Variants in PLA2G10 observed in about 807,000 individuals in gnomAD.
The protein encoded by PLA2G10 is group 10 secretory phospholipase A2.
In PLA2G10, 9 loss-of-function variants were observed where a neutral mutation model predicts 7.9. The observed-to-expected ratio is 1.14, with a 90% CI of 0.68 to 1.98. The LOEUF (loss-of-function observed/expected upper bound fraction) is 1.98, where lower values mean the gene tolerates loss of function less well. PLA2G10 is among the 30% of genes most tolerant of loss of function. The pLI is 0.00. For synonymous variants in PLA2G10, 19 were observed against 27.5 expected (o/e 0.69, Z 0.97); for missense variants, 53 against 65.4 (o/e 0.81, Z 0.66).
intron 3 of PLA2G10, among the ~76,000 whole-genome samples, chr16:14,684,521 C>G (rs1960994865): frequency 1.3e-5 from 2 of 152,012 alleles, no homozygotes; most frequent in East Asian, 3.9e-4. Flanking sequence ...CAAAAATTAG[C>G]TGGGCGTGGT....
chr16:14,677,861 G>A (rs62037489), intron 3 of PLA2G10, among the ~76,000 whole-genome samples: 2 of 74,100 alleles, frequency 2.7e-5, no homozygotes, highest in Admixed American at 1.6e-4. Context: ...ATAGATGGAT[G>A]GATGGATGGA....
chr16:14,686,240 C>T (rs542821404), intron 3 of PLA2G10, among the ~76,000 whole-genome samples: 14 of 151,760 alleles, frequency 9.2e-5, no homozygotes, highest in East Asian at 1.9e-4. Context: ...GCCATCTGCC[C>T]GTCTTGAGAT....
At chr16:14,687,817 T>C (rs1188319845) in intron 3 of PLA2G10, among the ~76,000 whole-genome samples, 1 of 150,544 alleles carries the variant, frequency 6.6e-6, no homozygotes, top group Non-Finnish European at 1.5e-5. Flanking sequence ...GCCAACTTGG[T>C]GAAACCCCAC....
chr16:14,678,905 G>A (rs1263809019), intron 3 of PLA2G10: 1 of 247,468 alleles, frequency 4.0e-6, no homozygotes, highest in South Asian at 4.0e-5. Context: ...CCCTACTTCT[G>A]TCACTCTGGG....
chr16:14,678,193 C>T (rs1050585824), intron 3 of PLA2G10, among the ~76,000 whole-genome samples: 9 of 152,210 alleles, frequency 5.9e-5, no homozygotes, highest in African/African-American at 1.4e-4. Context: ...GGCTGAAGGC[C>T]GGCTGTCCAA....
chr16:14,681,036 C>G (rs187327663), intron 3 of PLA2G10, among the ~76,000 whole-genome samples: 2 of 151,856 alleles, frequency 1.3e-5, no homozygotes, highest in Non-Finnish European at 2.9e-5. Context: ...TATGGTGGTG[C>G]GCCTGTAGTC....
rs753942842 is a variant in PLA2G10 at position 14,672,718 on chromosome 16, C to CAACA, written c.383_386dup (p.Leu129PhefsTer6). ...TAGCAATCTCCTGGTCACACTTGCA[C>CAACA]AACAGTTCTTGGCATTTGTTCTCTG... is the stretch of plus-strand genomic sequence containing the variant. On this transcript the variant is annotated frameshift_variant, in exon 4 of 4. Coordinates refer to ENST00000438167, the MANE Select transcript of PLA2G10 (RefSeq NM_003561.3). LOFTEE classifies it high-confidence loss of function. 5.0e-6 allele frequency: 8 copies of CAACA among 1,614,036 alleles called. 1 individual carries two copies. In the South Asian group the frequency reaches 8.8e-5, roughly 18 times the overall value.
chr16:14,677,172 CAT>C (rs1960746419), intron 3 of PLA2G10, among the ~76,000 whole-genome samples: 2 of 152,078 alleles, frequency 1.3e-5, no homozygotes, highest in Admixed American at 6.6e-5. Flanking sequence ...TCATAACAAA[CAT>C]GTATTGGGTT....
intron 3 of PLA2G10, among the ~76,000 whole-genome samples, chr16:14,676,577 G>T (rs1960731057): frequency 6.6e-6 from 1 of 152,188 alleles, no homozygotes; most frequent in Admixed American, 6.5e-5. Context: ...TACTTGGGAG[G>T]CTACGGCAGG....
rs147705409 is a variant in PLA2G10, at chr16:14,672,747, G to A, written c.358C>T (p.Pro120Ser). 1.9e-6 allele frequency: 3 copies of A among 1,613,670 alleles called. No individual in the cohort carries two copies. The highest frequency in any genetic ancestry group is 2.7e-5 in the African/African-American group (2 of 74,892). ...QCVNQSVLCG[P>S]AENKCQELLC... ...AGTTCTTGGCATTTGTTCTCTGCCG[G>A]TCCTGGAAGAAGTGGGGAAACTGAG... Residue 120 changes from proline to serine, a missense_variant and splice_region_variant, in exon 4 of 4, where the codon CCG (proline) becomes TCG (serine). This residue lies in a region of PLA2G10 where 5 missense variants were observed against 18.4 expected (regional missense o/e 0.27). Coordinates refer to ENST00000438167, the MANE Select transcript of PLA2G10 (RefSeq NM_003561.3).
At position 14,687,442 on chromosome 16, in the gene PLA2G10, A is replaced by G. The variant is rs572193640; in HGVS notation, c.355+723T>C. On this transcript the variant is annotated intron_variant, in intron 3 of 3. Transcript: ENST00000438167. ...CTCCTGGGCTTCAAGCGATCCTCCC[A>G]CCTCAGCCTCCCAAGTAGCTGGGAT... 1.4e-4 allele frequency among the ~76,000 whole-genome samples: 20 copies of G among 147,952 alleles called. No homozygotes were observed. The South Asian group carries it at 2.6e-3, about 19-fold the overall frequency.
chr16:14,673,486 C>T (rs1960646543), intron 3 of PLA2G10, among the ~76,000 whole-genome samples: 1 of 152,084 alleles, frequency 6.6e-6, no homozygotes, highest in Admixed American at 6.6e-5. Context: ...ATTCTCCCAC[C>T]TCAGCCTCCC....
At chr16:14,683,839 GT>G (rs1163140947) in intron 3 of PLA2G10, among the ~76,000 whole-genome samples, 8 of 152,126 alleles carry the variant, frequency 5.3e-5, no homozygotes, top group Admixed American at 2.6e-4. Flanking sequence ...AACTTAAACA[GT>G]TTTGTGCAAA....
chr16:14,685,089 AG>A lies in PLA2G10; in HGVS notation c.355+3075del, dbSNP rs1961014880. Among the ~76,000 whole-genome samples the A allele has an allele frequency of 2.0e-5, 3 of 152,158 alleles. No homozygotes were observed. The South Asian group carries it at 6.2e-4, about 31-fold the overall frequency. On this transcript the variant is annotated intron_variant, in intron 3 of 3. Transcript: ENST00000438167. ...CACATGCTATTAATACAACATGAAC[AG>A]GATGGGTGTGGTGGCTCACGCCTGT...
chr16:14,677,032 C>T (rs1960742788), intron 3 of PLA2G10, among the ~76,000 whole-genome samples: 1 of 152,042 alleles, frequency 6.6e-6, no homozygotes, highest in Non-Finnish European at 1.5e-5. Flanking sequence ...GTGATGGGTG[C>T]ACTAAAAGCT....
At chr16:14,686,009 T>TC (rs1961048661) in intron 3 of PLA2G10, among the ~76,000 whole-genome samples, 1 of 148,624 alleles carries the variant, frequency 6.7e-6, no homozygotes, top group Non-Finnish European at 1.5e-5. Flanking sequence ...TTTTTTTTTT[T>TC]TGAGACAGGC....
intron 3 of PLA2G10, among the ~76,000 whole-genome samples, chr16:14,684,201 A>C (rs2151853456): frequency 6.6e-6 from 1 of 151,848 alleles, no homozygotes; most frequent in Middle Eastern, 3.4e-3. Context: ...CTACTAAAAA[A>C]TATATAAAAA....
intron 3 of PLA2G10, among the ~76,000 whole-genome samples, chr16:14,678,986 G>A (rs1007893301): frequency 1.3e-5 from 2 of 151,650 alleles, no homozygotes; most frequent in African/African-American, 4.8e-5. Flanking sequence ...GTACCCCAGG[G>A]CCCTTGCACT....
intron 3 of PLA2G10, chr16:14,678,695 A>T: frequency 2.5e-6 from 1 of 394,540 alleles, no homozygotes; most frequent in Non-Finnish European, 5.1e-6. Context: ...GCTTGAGCCC[A>T]AAAGGCAGAG....
Sources: gnomAD v4.1 joint callset for allele counts (sites outside exome capture counted in the v4.1 genomes callset) on GRCh38, gnomAD v4.1.1 for gene constraint, gnomAD v4.1.1 regional missense constraint, MANE v1.5 for transcripts, NCBI Gene and HGNC (gene_info 2026-07-23, HGNC 2026-07-21) for gene names.